Variants in VASP observed in about 807,000 individuals in gnomAD.
The protein encoded by VASP is vasodilator stimulated phosphoprotein.
A neutral mutation model predicts 54.4 loss-of-function variants in VASP; 27 were observed. That is an observed-to-expected ratio of 0.50 (90% CI 0.37 to 0.68). The LOEUF (loss-of-function observed/expected upper bound fraction) is 0.68, where lower values mean the gene tolerates loss of function less well. Among genes scored for constraint, VASP ranks in the 30% least tolerant of loss-of-function variants. VASP has a pLI of 0.00. For missense variants in VASP, 488 were observed against 528.3 expected (o/e 0.92, Z 0.75); for synonymous variants, 233 against 209.8 (o/e 1.11, Z -0.96).
chr19:45,523,190 ATTTTTTTTTTTTTT>A (rs61288703), intron 7 of VASP, among the ~76,000 whole-genome samples: 1 of 74,700 alleles, frequency 1.3e-5, no homozygotes, highest in Non-Finnish European at 2.4e-5. Flanking sequence ...AATCTCTTGA[ATTTTTTTTTTTTTT>A]TTTTTTTTTT....
intron 1 of VASP, among the ~76,000 whole-genome samples, chr19:45,511,994 C>T (rs949036329): frequency 6.6e-6 from 1 of 152,112 alleles, no homozygotes; most frequent in African/African-American, 2.4e-5. Flanking sequence ...ATCCCGGACA[C>T]TCAGAAGGCT....
chr19:45,521,294 C>T (rs2122327297), intron 3 of VASP, 28 bp from the exon 4 acceptor site: 1 of 1,547,314 alleles, frequency 6.5e-7, no homozygotes, highest in South Asian at 1.2e-5. Flanking sequence ...TGGGACTGAT[C>T]CATGGCCCTT....
rs369795885 is a variant in VASP at position 45,524,676 on chromosome 19, A to T, written c.1047+16A>T. On this transcript the variant is annotated intron_variant, in intron 11 of 12. Transcript: ENST00000245932. ...GGTGAAACAGGTAACTTGGGGGGGA[A>T]GTTGGGGACCACAGCAAGAGAGATC... 7 of 1,611,886 alleles carry T rather than the reference A, an allele frequency of 4.3e-6. No individual in the cohort carries two copies. The highest frequency in any genetic ancestry group is 1.3e-5 in the African/African-American group (1 of 74,806).
At chr19:45,509,984 A>G (rs1968569250) in intron 1 of VASP, among the ~76,000 whole-genome samples, 1 of 152,026 alleles carries the variant, frequency 6.6e-6, no homozygotes. Flanking sequence ...CCAGTTTGAC[A>G]AATATTTGTT....
At position 45,509,323 on chromosome 19, in the gene VASP, T is replaced by C. The variant is rs371618044; in HGVS notation, c.5+1547T>C. ...TGGAGAGGGGTCAGTTTAGGGAGCG[T>C]CGCTCTCTTCCTTCGCCCTCTTCCT... On this transcript the variant is annotated intron_variant, in intron 1 of 12. Coordinates refer to ENST00000245932, the MANE Select transcript of VASP (RefSeq NM_003370.4). Among the ~76,000 whole-genome samples the C allele has an allele frequency of 2.4e-3, 361 of 152,126 alleles. 1 individual carries two copies. Among genetic ancestry groups the C allele is most frequent in the African/African-American group, 8.4e-3 (348 of 41,482 alleles).
chr19:45,523,708 C>A lies in VASP; in HGVS notation c.873+13C>A, dbSNP rs1269946528. 3.1e-6 allele frequency: 5 copies of A among 1,613,974 alleles called. No homozygotes were observed. The highest frequency in any genetic ancestry group is 4.2e-6 in the Non-Finnish European group (5 of 1,180,038). On this transcript the variant is annotated intron_variant, in intron 8 of 12. Transcript: ENST00000245932. ...TGAATCTGCCAATGTAAGTCAGGGACTCTTCTTGCCCTACATCTCTTAGGC... is the reference window on the plus strand; with the variant it reads ...TGAATCTGCCAATGTAAGTCAGGGAATCTTCTTGCCCTACATCTCTTAGGC...
chr19:45,525,863 C>T (rs910477808), intron 11 of VASP, 83 bp from the exon 12 acceptor site: 36 of 1,409,094 alleles, frequency 2.6e-5, no homozygotes, highest in Non-Finnish European at 3.4e-5. Flanking sequence ...AGCAAGGTTC[C>T]TTCTCAAAAA....
At chr19:45,520,948 AGTGAGACTCT>A (rs1217098029) in intron 3 of VASP, among the ~76,000 whole-genome samples, 1 of 152,190 alleles carries the variant, frequency 6.6e-6, no homozygotes, top group Non-Finnish European at 1.5e-5. Flanking sequence ...TGGGTGACAG[AGTGAGACTCT>A]GTCTCGAAAC....
Position 45,526,449 on chromosome 19 carries a change from A to G in VASP, c.*272A>G. On this transcript the variant is annotated 3_prime_UTR_variant, in exon 13 of 13. Coordinates refer to ENST00000245932, the MANE Select transcript of VASP (RefSeq NM_003370.4). ...GGGCCGGTCCCTCTGCTGGGGATGC[A>G]CCAATGAACCCCACAGGAAGGGGGA... is the stretch of plus-strand genomic sequence containing the variant. 1 of 389,548 alleles carries G rather than the reference A, an allele frequency of 2.6e-6. No homozygotes were observed. Among genetic ancestry groups the G allele is most frequent in the Non-Finnish European group, 4.6e-6 (1 of 218,678 alleles). The allele number at this position is 389,548 out of a possible 1,614,324, so 24.1% of individuals were successfully genotyped here.
At chr19:45,518,577 C>G (rs963268160) in intron 3 of VASP, among the ~76,000 whole-genome samples, 3 of 151,712 alleles carry the variant, frequency 2.0e-5, no homozygotes, top group African/African-American at 7.3e-5. Context: ...AAAACAAACA[C>G]AAAAAAAATG....
At chr19:45,525,809 C>T (rs1051994086) in intron 11 of VASP, 137 bp from the exon 12 acceptor site, 121 of 788,390 alleles carry the variant, frequency 1.5e-4, no homozygotes, top group Non-Finnish European at 2.4e-4. Flanking sequence ...GTTGAGGCTG[C>T]AATGAGCTGT....
At chr19:45,510,800 G>C (rs1173938840) in intron 1 of VASP, among the ~76,000 whole-genome samples, 1 of 152,038 alleles carries the variant, frequency 6.6e-6, no homozygotes, top group East Asian at 1.9e-4. Context: ...GGGTGTGGTG[G>C]CATGCGCCTG....
intron 1 of VASP, among the ~76,000 whole-genome samples, chr19:45,512,429 A>T (rs1968617832): frequency 6.6e-6 from 1 of 150,920 alleles, no homozygotes; most frequent in African/African-American, 2.4e-5. Context: ...CTGGAATTAC[A>T]GGCACGCGCC....
rs543481442 is a variant in VASP at position 45,526,440 on chromosome 19, T to A, written c.*263T>A. On this transcript the variant is annotated 3_prime_UTR_variant, in exon 13 of 13. Coordinates refer to ENST00000245932, the MANE Select transcript of VASP (RefSeq NM_003370.4). ...ATCCCCTTGGGGCCGGTCCCTCTGC[T>A]GGGGATGCACCAATGAACCCCACAG... 51 of 423,152 alleles carry A rather than the reference T, an allele frequency of 1.2e-4. No homozygotes were observed. The South Asian group carries it at 2.4e-3, about 20-fold the overall frequency. The allele number at this position is 423,152 out of a possible 1,614,324, so 26.2% of individuals were successfully genotyped here.
At chr19:45,525,656 C>A in intron 11 of VASP, 1 of 246,750 alleles carries the variant, frequency 4.1e-6, no homozygotes, top group Non-Finnish European at 7.9e-6. Context: ...CGAGATTGGG[C>A]CACTGCACTG....
In VASP at chr19:45,516,983, C is replaced by CA. The variant is rs112095290; in HGVS notation, c.6-657dup. Among the ~76,000 whole-genome samples the CA allele has an allele frequency of 9.0e-3, 521 of 57,774 alleles. 42 individuals are homozygous for CA. Among genetic ancestry groups the CA allele is most frequent in the African/African-American group, 0.025 (364 of 14,484 alleles). The allele number at this position is 57,774 out of a possible 152,430, so 37.9% of individuals were successfully genotyped here. On this transcript the variant is annotated intron_variant, in intron 1 of 12. Transcript: ENST00000245932. ...CGGGTGACAGAGTAAGACTCTGTCT[C>CA]AAAAAAAAAAAAAAAAAAAAAAAGA...
intron 1 of VASP, among the ~76,000 whole-genome samples, chr19:45,515,823 C>A (rs775641933): frequency 2.6e-5 from 4 of 152,184 alleles, no homozygotes; most frequent in African/African-American, 4.8e-5. Context: ...CAGGCGTGAG[C>A]CACCACACCC....
At chr19:45,510,218 TTTTGTTGG>T (rs761498081) in intron 1 of VASP, among the ~76,000 whole-genome samples, 3 of 147,836 alleles carry the variant, frequency 2.0e-5, no homozygotes, top group Non-Finnish European at 4.5e-5. Context: ...TGGCTGGTTT[TTTTGTTGG>T]TTTGTTTGTT....
intron 3 of VASP, among the ~76,000 whole-genome samples, chr19:45,520,467 C>T (rs989414064): frequency 6.6e-6 from 1 of 152,164 alleles, no homozygotes; most frequent in Non-Finnish European, 1.5e-5. Flanking sequence ...TGTGCTAGTG[C>T]GGAAGGGGCT....
Sources: allele counts gnomAD v4.1 joint callset (sites outside exome capture counted in the v4.1 genomes callset), GRCh38; gene constraint gnomAD v4.1.1; transcripts MANE v1.5; gene names NCBI Gene and HGNC (gene_info 2026-07-23, HGNC 2026-07-21).